CA2: variants seen among roughly 807,000 people sequenced by gnomAD.
CA2 encodes the protein carbonate dehydratase II.
Under a neutral mutation model 27.8 loss-of-function variants are expected in CA2, and 23 were observed. That is an observed-to-expected ratio of 0.83 (90% CI 0.59 to 1.17). The LOEUF is 1.17. Among genes scored for constraint, CA2 ranks in the 50% most tolerant of loss-of-function variants. The pLI is 0.00. For synonymous variants in CA2, 99 were observed against 114.9 expected (o/e 0.86, Z 0.88); for missense variants, 300 against 314.7 (o/e 0.95, Z 0.35).
At position 85,477,225 on chromosome 8, in the gene CA2, T is replaced by A; in HGVS notation, c.613T>A (p.Cys205Ser). Reference sequence around the variant, plus strand: ...ACTGACCACCCCTCCTCTTCTGGAATGTGTGACCTGGATTGTGCTCAAGGA... The same window carrying A: ...ACTGACCACCCCTCCTCTTCTGGAAAGTGTGACCTGGATTGTGCTCAAGGA... ...GSLTTPPLLE[C>S]VTWIVLKEPI... The change falls in exon 6 of 7, where the codon TGT (cysteine) becomes AGT (serine). Residue 205 changes from cysteine (C) to serine (S), a missense_variant. By Grantham distance (112) the Cys-to-Ser change is moderately radical. Transcript: ENST00000285379. The A allele has an allele frequency of 6.2e-7, 1 of 1,614,132 alleles. No individual in the cohort carries two copies. The highest frequency in any genetic ancestry group is 8.5e-7 in the Non-Finnish European group (1 of 1,180,002).
intron 2 of CA2, among the ~76,000 whole-genome samples, chr8:85,466,679 T>TACACACAC (rs33928115): frequency 2.7e-5 from 4 of 149,056 alleles, no homozygotes; most frequent in East Asian, 2.0e-4. Context: ...CATACATACA[T>TACACACAC]ACACACACAC....
At chr8:85,475,605 G>C (rs1811785568) in intron 4 of CA2, among the ~76,000 whole-genome samples, 193 bp from the exon 5 acceptor site, 1 of 152,082 alleles carries the variant, frequency 6.6e-6, no homozygotes, top group South Asian at 2.1e-4. Flanking sequence ...TTAGAGGCGA[G>C]TTGAAGATTC....
intron 2 of CA2, among the ~76,000 whole-genome samples, chr8:85,466,158 G>GA (rs971825655): frequency 2.8e-5 from 4 of 142,582 alleles, no homozygotes; most frequent in Non-Finnish European, 6.1e-5. Context: ...AGAGAAAGAA[G>GA]AAAAAAAATC....
intron 1 of CA2, 74 bp downstream of exon 1, chr8:85,464,189 G>A: frequency 7.3e-7 from 1 of 1,369,656 alleles, no homozygotes; most frequent in Middle Eastern, 1.9e-4. Flanking sequence ...GAGCCCGGAT[G>A]CCGGCCCGGG....
At position 85,477,152 on chromosome 8, in the gene CA2, T is replaced by C. The variant is rs759932914; in HGVS notation, c.540T>C (p.Pro180=). 1 of 1,614,142 alleles carries C rather than the reference T, an allele frequency of 6.2e-7. No individual in the cohort carries two copies. Among genetic ancestry groups the C allele is most frequent in the East Asian group, 2.2e-5 (1 of 44,882 alleles). ...GKSADFTNFD[P]RGLLPESLDY... ...GTGCTGACTTCACTAACTTCGATCC[T>C]CGTGGCCTCCTTCCTGAATCCTTGG... The change falls in exon 6 of 7, where the codon CCT becomes CCC. Residue 180 remains proline (P), a synonymous_variant. Coordinates refer to ENST00000285379, the MANE Select transcript of CA2 (RefSeq NM_000067.3).
intron 2 of CA2, among the ~76,000 whole-genome samples, chr8:85,468,552 A>T (rs962306901): frequency 5.3e-5 from 8 of 152,220 alleles, no homozygotes; most frequent in Non-Finnish European, 1.2e-4. Flanking sequence ...TGAGGTCAGA[A>T]GTTCAAGACC....
At chr8:85,468,013 G>A (rs1190063637) in intron 2 of CA2, among the ~76,000 whole-genome samples, 1 of 152,228 alleles carries the variant, frequency 6.6e-6, no homozygotes. Context: ...GTTCCCCGGA[G>A]CCCATGCTGG....
chr8:85,466,283 T>C (rs1029930139), intron 2 of CA2, among the ~76,000 whole-genome samples: 1 of 152,020 alleles, frequency 6.6e-6, no homozygotes, highest in Non-Finnish European at 1.5e-5. Context: ...CCTATTTTCC[T>C]GAGTGCTTTC....
intron 6 of CA2, among the ~76,000 whole-genome samples, chr8:85,479,136 A>C (rs898853261): frequency 3.3e-5 from 5 of 152,168 alleles, no homozygotes; most frequent in African/African-American, 1.2e-4. Flanking sequence ...TTAGGTAAGC[A>C]GTATAAATGG....
At chr8:85,476,333 A>C (rs1322760859) in intron 5 of CA2, among the ~76,000 whole-genome samples, 1 of 152,200 alleles carries the variant, frequency 6.6e-6, no homozygotes, top group Non-Finnish European at 1.5e-5. Context: ...TCCTCTCTGC[A>C]GCATAGTTGT....
chr8:85,479,142 A>G (rs1444365497), intron 6 of CA2, among the ~76,000 whole-genome samples: 1 of 152,140 alleles, frequency 6.6e-6, no homozygotes, highest in Non-Finnish European at 1.5e-5. Flanking sequence ...AAGCAGTATA[A>G]ATGGGTCTGC....
chr8:85,480,636 A>T (rs866703979), intron 6 of CA2, 34 bp from the exon 7 acceptor site: 6 of 1,599,872 alleles, frequency 3.8e-6, no homozygotes, highest in Non-Finnish European at 5.1e-6. Flanking sequence ...CCATTGTGAA[A>T]CATTAATTAT....
rs573571465 is a variant in CA2 at position 85,479,620 on chromosome 8, G to A, written c.664-1050G>A. ...AGAAGTGGGAGACTGTTCAACAGCT[G>A]CCTGTATCTCAGTGGTGGCCAGTAA... On this transcript the variant is annotated intron_variant, in intron 6 of 6. Coordinates refer to ENST00000285379, the MANE Select transcript of CA2 (RefSeq NM_000067.3). Among the ~76,000 whole-genome samples the A allele has an allele frequency of 3.3e-5, 5 of 152,214 alleles. No homozygotes were observed. The South Asian group carries it at 1.0e-3, about 32-fold the overall frequency.
At position 85,473,025 on chromosome 8, in the gene CA2, T is replaced by G. The variant is rs193210457; in HGVS notation, c.233-668T>G. On this transcript the variant is annotated intron_variant, in intron 2 of 6. Transcript: ENST00000285379. ...ATAATAATAATAATAAATAAATAAA[T>G]AAATAAATAAATAATAAAAAAAATT... Among the ~76,000 whole-genome samples the G allele has an allele frequency of 8.7e-3, 1,247 of 142,556 alleles. 12 individuals are homozygous for G. Among genetic ancestry groups the G allele is most frequent in the East Asian group, 0.057 (239 of 4,196 alleles). 93.5% of individuals were successfully genotyped at this position (142,556 alleles called of 152,430 possible). A position where few individuals can be genotyped will look rare whatever the true frequency, so the allele number is the denominator to read the frequency against.
chr8:85,474,602 A>G (rs981565652), intron 4 of CA2, 186 bp downstream of exon 4: 230 of 630,566 alleles, frequency 3.6e-4, no homozygotes, highest in Middle Eastern at 1.6e-3. Flanking sequence ...CAGAAAGACA[A>G]TAGGAGAGGT....
chr8:85,470,965 T>C (rs1811706067), intron 2 of CA2, among the ~76,000 whole-genome samples: 1 of 152,182 alleles, frequency 6.6e-6, no homozygotes, highest in Admixed American at 6.5e-5. Context: ...GTTAGCAATT[T>C]CTGCTATTTT....
Position 85,474,258 on chromosome 8 carries a change from T to C in CA2, c.352-66T>C, listed in dbSNP as rs111831908. On this transcript the variant is annotated intron_variant, in intron 3 of 6. Coordinates refer to ENST00000285379, the MANE Select transcript of CA2 (RefSeq NM_000067.3). The stretch of plus-strand genomic sequence containing the variant: ...AACCTTTATTGTGAGAAAAAGACCA[T>C]TGAATAAAATCTGTCAGCTTTGATT... 1.3e-3 allele frequency: 1,414 copies of C among 1,118,458 alleles called. 15 individuals are homozygous for C. In the African/African-American group the frequency reaches 0.016, roughly 13 times the overall value. The allele number at this position is 1,118,458 out of a possible 1,614,324, so 69.3% of individuals were successfully genotyped here.
chr8:85,466,187 C>A (rs1398626865), intron 2 of CA2, among the ~76,000 whole-genome samples: 1 of 143,018 alleles, frequency 7.0e-6, no homozygotes. Context: ...TTTTTTTTAT[C>A]TCTCTCTCTT....
At chr8:85,473,395 G>A (rs1315265764) in intron 2 of CA2, 1 of 506,800 alleles carries the variant, frequency 2.0e-6, no homozygotes, top group Non-Finnish European at 3.8e-6. Context: ...CCAGAAAAAG[G>A]AATCAGTATG....
Sources: allele counts gnomAD v4.1 joint callset (sites outside exome capture counted in the v4.1 genomes callset), GRCh38; gene constraint gnomAD v4.1.1; transcripts MANE v1.5; gene names NCBI Gene and HGNC (gene_info 2026-07-23, HGNC 2026-07-21).